The following ZMAT5 variants were observed in gnomAD, a reference collection of about 807,000 sequenced individuals.
The protein encoded by ZMAT5 is zinc finger matrin-type 5, also known as zinc finger matrin-type protein 5.
ZMAT5 carries 23 observed loss-of-function variants against 28.0 expected under a neutral mutation model. That is an observed-to-expected ratio of 0.82 (90% CI 0.59 to 1.16). ZMAT5 has a LOEUF of 1.16. Among genes scored for constraint, ZMAT5 ranks in the 50% most tolerant of loss-of-function variants. The probability of loss-of-function intolerance (pLI) is 0.00; values close to 1 mark genes in which losing one functional copy is unlikely to be tolerated. For missense variants in ZMAT5, 173 were observed against 212.7 expected, an observed-to-expected ratio of 0.81 and a Z score of 1.16; for synonymous variants, 76 against 84.1, an observed-to-expected ratio of 0.90 and a Z score of 0.52.
chr22:29,759,572 C>T (rs2068135759), intron 1 of ZMAT5, among the ~76,000 whole-genome samples: 1 of 152,102 alleles, frequency 6.6e-6, no homozygotes, highest in African/African-American at 2.4e-5. Context: ...CAATACCAGC[C>T]TGGGCAACAT....
intron 1 of ZMAT5, among the ~76,000 whole-genome samples, chr22:29,753,675 C>T (rs569507449): frequency 1.3e-5 from 2 of 152,134 alleles, no homozygotes; most frequent in East Asian, 3.9e-4. Flanking sequence ...GGTGACAGAG[C>T]AAGACTCCCT....
At chr22:29,741,056 G>A (rs6006234) in intron 3 of ZMAT5, among the ~76,000 whole-genome samples, 10,241 of 152,120 alleles carry the variant, frequency 0.067, 414 homozygotes, top group African/African-American at 0.1. Context: ...GCCCTGCCTC[G>A]ATGAACTACA....
intron 3 of ZMAT5, 97 bp from the exon 4 acceptor site, chr22:29,740,827 G>A (rs887504317): frequency 1.8e-6 from 2 of 1,111,870 alleles, no homozygotes; most frequent in African/African-American, 3.1e-5. Context: ...TTAGGGGCAG[G>A]ACTTCAGGGC....
chr22:29,731,469 G>T, intron 5 of ZMAT5, 115 bp from the exon 6 acceptor site: 1 of 1,391,686 alleles, frequency 7.2e-7, no homozygotes, highest in Non-Finnish European at 9.4e-7. Flanking sequence ...CTGCCTGCAT[G>T]ACTTTTCTGG....
At chr22:29,756,883 A>T (rs2068106381) in intron 1 of ZMAT5, among the ~76,000 whole-genome samples, 1 of 152,118 alleles carries the variant, frequency 6.6e-6, no homozygotes, top group African/African-American at 2.4e-5. Flanking sequence ...TACTAAAAAT[A>T]CAAAAATTAG....
At chr22:29,755,338 AGAGGGAGG>A in intron 1 of ZMAT5, among the ~76,000 whole-genome samples, 1 of 39,334 alleles carries the variant, frequency 2.5e-5, no homozygotes, top group East Asian at 1.2e-3. Flanking sequence ...AGAGAGAGAG[AGAGGGAGG>A]GAGGGAGGGA....
chr22:29,748,296 C>T, intron 2 of ZMAT5, 122 bp downstream of exon 2: 19 of 1,462,846 alleles, frequency 1.3e-5, no homozygotes, highest in Non-Finnish European at 1.8e-5. Context: ...CTCAGGCCTC[C>T]CTCTCTTTTG....
chr22:29,736,108 A>C (rs1215631262), intron 5 of ZMAT5, among the ~76,000 whole-genome samples: 1 of 152,212 alleles, frequency 6.6e-6, no homozygotes, highest in Non-Finnish European at 1.5e-5. Flanking sequence ...GACTCATAGG[A>C]GATCCTGTCC....
intron 1 of ZMAT5, among the ~76,000 whole-genome samples, 174 bp from the exon 2 acceptor site, chr22:29,748,745 T>A (rs570738308): frequency 6.6e-6 from 1 of 152,368 alleles, no homozygotes; most frequent in East Asian, 1.9e-4. Context: ...TCCAGAGGGA[T>A]CTGTTAACCA....
At chr22:29,738,515 A>G (rs756461198) in intron 4 of ZMAT5, 74 bp from the exon 5 acceptor site, 2 of 1,372,058 alleles carry the variant, frequency 1.5e-6, no homozygotes, top group Non-Finnish European at 2.0e-6. Context: ...CTCACAAAGC[A>G]GAAGCAACTG....
At chr22:29,736,611 T>G (rs923299799) in intron 5 of ZMAT5, among the ~76,000 whole-genome samples, 2 of 149,858 alleles carry the variant, frequency 1.3e-5, no homozygotes, top group Non-Finnish European at 3.0e-5. Context: ...TCCCAGCTAC[T>G]TGGGAGGCTG....
chr22:29,761,394 T>C (rs954949155), intron 1 of ZMAT5, among the ~76,000 whole-genome samples: 2 of 150,502 alleles, frequency 1.3e-5, no homozygotes, highest in African/African-American at 2.5e-5. Flanking sequence ...CTGGGCAACA[T>C]AGGGGAACCT....
intron 2 of ZMAT5, 71 bp downstream of exon 2, chr22:29,748,347 G>A: frequency 6.2e-7 from 1 of 1,606,186 alleles, no homozygotes; most frequent in Non-Finnish European, 8.5e-7. Flanking sequence ...CTGACCCACA[G>A]GAGTCTTTGA....
At chr22:29,743,087 C>G (rs542366586) in intron 2 of ZMAT5, among the ~76,000 whole-genome samples, 27 of 152,218 alleles carry the variant, frequency 1.8e-4, no homozygotes, top group African/African-American at 6.5e-4. Context: ...AGCCACTGGG[C>G]CCAGCCTGGA....
intron 1 of ZMAT5, among the ~76,000 whole-genome samples, chr22:29,760,240 G>A (rs749221751): frequency 1.3e-5 from 2 of 151,964 alleles, no homozygotes; most frequent in Admixed American, 6.6e-5. Context: ...GGGCATGGTG[G>A]CAGGCGCCTG....
chr22:29,731,416 C>T (rs1477345053), intron 5 of ZMAT5, 62 bp from the exon 6 acceptor site: 1 of 1,510,394 alleles, frequency 6.6e-7, no homozygotes, highest in Non-Finnish European at 8.7e-7. Context: ...TTATGCCACC[C>T]CCAGCCCACC....
chr22:29,749,685 A>C (rs1187691877), intron 1 of ZMAT5, among the ~76,000 whole-genome samples: 1 of 152,082 alleles, frequency 6.6e-6, no homozygotes, highest in African/African-American at 2.4e-5. Flanking sequence ...TCTCATCTCG[A>C]ATTGTAATCC....
chr22:29,754,209 T>C (rs1274174807), intron 1 of ZMAT5, among the ~76,000 whole-genome samples: 2 of 152,280 alleles, frequency 1.3e-5, no homozygotes, highest in Non-Finnish European at 2.9e-5. Context: ...CCCCATCCTC[T>C]GAGGGTGGCA....
At chr22:29,758,856 T>C (rs1852477756) in intron 1 of ZMAT5, 1 of 152,408 alleles carries the variant, frequency 6.6e-6, no homozygotes, top group African/African-American at 2.4e-5. Flanking sequence ...TTGACTAGCC[T>C]CTAAAAAAGA....
Sources: gnomAD v4.1 joint callset for allele counts (sites outside exome capture counted in the v4.1 genomes callset) on GRCh38, gnomAD v4.1.1 for gene constraint, MANE v1.5 for transcripts, NCBI Gene and HGNC (gene_info 2026-07-23, HGNC 2026-07-21) for gene names.